Variants in NCKAP5 observed in about 807,000 individuals in gnomAD.
NCKAP5 encodes NCK associated protein 5, also known as nck-associated protein 5.
NCKAP5 carries 92 observed loss-of-function variants against 167.0 expected under a neutral mutation model. The observed-to-expected ratio is 0.55, with a 90% CI of 0.47 to 0.66. The LOEUF (loss-of-function observed/expected upper bound fraction) is 0.66. Among genes scored for constraint, NCKAP5 ranks in the 30% least tolerant of loss-of-function variants. NCKAP5 has a pLI of 0.00. For synonymous variants in NCKAP5, 891 were observed against 877.4 expected (o/e 1.02, Z -0.27); for missense variants, 2,378 against 2,315.0 (o/e 1.03, Z -0.56).
intron 6 of NCKAP5, among the ~76,000 whole-genome samples, chr2:133,018,369 C>A (rs1362233646): frequency 6.6e-6 from 1 of 152,076 alleles, no homozygotes; most frequent in Non-Finnish European, 1.5e-5. Flanking sequence ...AAGGAGTTAC[C>A]CTCCCCAAGA....
chr2:133,137,725 G>T (rs1204091322), intron 5 of NCKAP5, among the ~76,000 whole-genome samples: 2 of 152,186 alleles, frequency 1.3e-5, no homozygotes, highest in African/African-American at 2.4e-5. Flanking sequence ...TCCAGGGTGG[G>T]TTGTGAAGAA....
intron 5 of NCKAP5, among the ~76,000 whole-genome samples, chr2:133,173,771 C>G (rs1463042314): frequency 2.0e-5 from 3 of 152,170 alleles, no homozygotes; most frequent in African/African-American, 4.8e-5. Flanking sequence ...TTGACAATAT[C>G]CACATATGAC....
intron 4 of NCKAP5, among the ~76,000 whole-genome samples, chr2:133,251,735 A>G (rs918535745): frequency 6.6e-6 from 1 of 152,226 alleles, no homozygotes; most frequent in African/African-American, 2.4e-5. Flanking sequence ...CATCCCAGTA[A>G]TTCATACAAA....
At chr2:133,324,444 T>C (rs1682286747) in intron 3 of NCKAP5, among the ~76,000 whole-genome samples, 1 of 152,212 alleles carries the variant, frequency 6.6e-6, no homozygotes, top group African/African-American at 2.4e-5. Flanking sequence ...GGCTGCTGAG[T>C]CAGACAGAAT....
At chr2:133,392,342 T>A (rs1687467273) in intron 3 of NCKAP5, among the ~76,000 whole-genome samples, 1 of 152,208 alleles carries the variant, frequency 6.6e-6, no homozygotes, top group African/African-American at 2.4e-5. Flanking sequence ...ATAGCCTAGG[T>A]GTATAGGAAG....
At chr2:133,563,564 T>TAA (rs57901498) in intron 1 of NCKAP5, among the ~76,000 whole-genome samples, 1,576 of 53,004 alleles carry the variant, frequency 0.03, 247 homozygotes, top group East Asian at 0.12. Context: ...AAAGACTCCA[T>TAA]AAAAAAAAAA....
At chr2:133,483,617 G>A (rs1264609265) in intron 3 of NCKAP5, among the ~76,000 whole-genome samples, 1 of 125,298 alleles carries the variant, frequency 8.0e-6, no homozygotes, top group African/African-American at 3.2e-5. Flanking sequence ...CTAATACTCT[G>A]CAAAAAAAAA....
At chr2:133,139,050 T>C (rs908417415) in intron 5 of NCKAP5, among the ~76,000 whole-genome samples, 2 of 152,208 alleles carry the variant, frequency 1.3e-5, no homozygotes, top group Non-Finnish European at 2.9e-5. Flanking sequence ...CATTGGCTCA[T>C]GGATCTCTCT....
In NCKAP5 at chr2:133,235,797, G is replaced by A. The variant is rs528161164; in HGVS notation, c.144-22018C>T. On this transcript the variant is annotated intron_variant, in intron 4 of 19. Transcript: ENST00000409261. ...CATGCACCTGTAATCCCAGCTACTC[G>A]GGAGGCTGAGGCAGGAGAATCACTT... 1.7e-4 allele frequency among the ~76,000 whole-genome samples: 26 copies of A among 151,808 alleles called. 2 individuals carry two copies. In the South Asian group the frequency reaches 4.8e-3, roughly 28 times the overall value.
At chr2:132,982,577 G>A (rs1056621612) in intron 7 of NCKAP5, among the ~76,000 whole-genome samples, 1 of 152,146 alleles carries the variant, frequency 6.6e-6, no homozygotes, top group South Asian at 2.1e-4. Context: ...GATATATTGC[G>A]TGATGCTCAG....
At chr2:133,166,607 A>T (rs1574247197) in intron 5 of NCKAP5, among the ~76,000 whole-genome samples, 1 of 152,154 alleles carries the variant, frequency 6.6e-6, no homozygotes, top group East Asian at 1.9e-4. Context: ...ATACACACAA[A>T]TGATGAAGTA....
chr2:133,300,116 T>G (rs1365251433), intron 4 of NCKAP5, among the ~76,000 whole-genome samples: 1 of 130,208 alleles, frequency 7.7e-6, no homozygotes, highest in African/African-American at 3.2e-5. Context: ...TAACAGGCTC[T>G]GAAATTGTGG....
At chr2:132,735,055 C>A (rs1335990121) in intron 16 of NCKAP5, among the ~76,000 whole-genome samples, 5 of 152,260 alleles carry the variant, frequency 3.3e-5, no homozygotes, top group African/African-American at 4.8e-5. Context: ...TGGCATCTAG[C>A]TGGTTGTCTG....
chr2:133,255,322 C>G (rs1255499937), intron 4 of NCKAP5, among the ~76,000 whole-genome samples: 1 of 152,172 alleles, frequency 6.6e-6, no homozygotes, highest in Non-Finnish European at 1.5e-5. Flanking sequence ...ACACATCACT[C>G]TTTTAAAAAT....
In NCKAP5 at chr2:132,728,890, C is replaced by A. The variant is rs368736527; in HGVS notation, c.5506G>T (p.Gly1836Ter). 6.2e-7 allele frequency: 1 copy of A among 1,613,930 alleles called. No individual in the cohort carries two copies. Among genetic ancestry groups the A allele is most frequent in the African/African-American group, 1.3e-5 (1 of 75,018 alleles). ...EPRPQTCSSF[G>*]YAEDPMASQP... ...CTTGCCATTGGGTCTTCAGCATATC[C>A]GAATGATGAGCATGTCTGAGGCCTT... The change falls in exon 18 of 20, where the codon GGA (glycine) becomes TGA (stop). Residue 1836 changes from glycine to a stop codon, truncating the protein, a stop_gained. Transcript: ENST00000409261. LOFTEE classifies it high-confidence loss of function.
chr2:133,001,754 T>C (rs1327540111), intron 6 of NCKAP5, among the ~76,000 whole-genome samples: 1 of 152,162 alleles, frequency 6.6e-6, no homozygotes, highest in Non-Finnish European at 1.5e-5. Context: ...ACATCTGGAT[T>C]GATGGGTTCT....
rs148799178 is a variant in NCKAP5 at position 132,849,812 on chromosome 2, T to A, written c.807+10680A>T. On this transcript the variant is annotated intron_variant, in intron 11 of 19. Coordinates refer to ENST00000409261, the MANE Select transcript of NCKAP5 (RefSeq NM_207363.3). Reference sequence around the variant, plus strand: ...GAGTTCAATGATTTAGTCAGTCCACTCCATCTGAACCATTTCCCAAAGCTG... The same window carrying A: ...GAGTTCAATGATTTAGTCAGTCCACACCATCTGAACCATTTCCCAAAGCTG... Among the ~76,000 whole-genome samples the A allele has an allele frequency of 1.9e-4, 29 of 152,260 alleles. No individual in the cohort carries two copies. The East Asian group carries it at 5.6e-3, about 29-fold the overall frequency.
At position 132,939,334 on chromosome 2, in the gene NCKAP5, T is replaced by A. The variant is rs370095369; in HGVS notation, c.579+24386A>T. Among the ~76,000 whole-genome samples, 7 of 152,114 alleles carry A rather than the reference T, an allele frequency of 4.6e-5. No individual in the cohort carries two copies. In the South Asian group the frequency reaches 1.5e-3, roughly 32 times the overall value. ...ATTACAAGCCAGCTTACTGAAAATT[T>A]TATTGGATGTCATTCATGCACAAGT... On this transcript the variant is annotated intron_variant, in intron 8 of 19. Coordinates refer to ENST00000409261, the MANE Select transcript of NCKAP5 (RefSeq NM_207363.3).
At chr2:133,597,540 G>T in the NCKAP5 span, among the ~76,000 whole-genome samples, 1 of 151,740 alleles carries the variant, frequency 6.6e-6, no homozygotes. Context: ...GTGGAGGCAC[G>T]TGCCTGTAGT....
Sources: gnomAD v4.1 joint callset for allele counts (sites outside exome capture counted in the v4.1 genomes callset) on GRCh38, gnomAD v4.1.1 for gene constraint, MANE v1.5 for transcripts, NCBI Gene and HGNC (gene_info 2026-07-23, HGNC 2026-07-21) for gene names.